WDR7: variants seen among roughly 807,000 people sequenced by gnomAD.
WDR7 encodes the protein WD repeat domain 7.
WDR7 carries 46 observed loss-of-function variants against 169.4 expected under a neutral mutation model. The ratio of observed to expected loss-of-function variants is 0.27; its 90% confidence interval spans 0.21 to 0.35. The LOEUF is 0.35. WDR7 is among the 10% of genes least tolerant of loss of function. The probability of loss-of-function intolerance (pLI) is 1.00; values close to 1 mark genes in which losing one functional copy is unlikely to be tolerated. For missense variants in WDR7, 1,534 were observed against 1,859.3 expected (o/e 0.83, Z 3.22); for synonymous variants, 612 against 666.8 (o/e 0.92, Z 1.27).
chr18:56,965,094 G>A (rs1410587524), intron 26 of WDR7, among the ~76,000 whole-genome samples: 2 of 152,096 alleles, frequency 1.3e-5, no homozygotes, highest in African/African-American at 2.4e-5. Flanking sequence ...GAATCTGTTG[G>A]AATCAGTTAA....
intron 26 of WDR7, among the ~76,000 whole-genome samples, chr18:56,991,168 A>G (rs1807550970): frequency 3.5e-5 from 2 of 57,882 alleles, no homozygotes; most frequent in South Asian, 9.0e-4. Flanking sequence ...TTTTTTTGAG[A>G]CGGAGTCTCG....
chr18:57,021,585 G>A (rs1370216), intron 27 of WDR7, among the ~76,000 whole-genome samples: 99,366 of 152,070 alleles, frequency 0.65, 32,760 homozygotes, highest in East Asian at 0.81. Context: ...CCTATGTTTA[G>A]TTCTGAATAA....
At chr18:56,855,446 A>G (rs1382728767) in intron 20 of WDR7, among the ~76,000 whole-genome samples, 1 of 152,056 alleles carries the variant, frequency 6.6e-6, no homozygotes, top group Non-Finnish European at 1.5e-5. Flanking sequence ...GGTGTTCAGG[A>G]TCTTAAGAAA....
chr18:56,692,303 TA>T (rs2025588903), intron 9 of WDR7, among the ~76,000 whole-genome samples: 1 of 152,110 alleles, frequency 6.6e-6, no homozygotes, highest in Non-Finnish European at 1.5e-5. Flanking sequence ...TCTATAAAAA[TA>T]AAAGTTTATT....
intron 14 of WDR7, among the ~76,000 whole-genome samples, chr18:56,746,311 T>C (rs557888162): frequency 6.6e-6 from 1 of 152,258 alleles, no homozygotes; most frequent in Admixed American, 6.5e-5. Context: ...TCAATCACAA[T>C]CACACTAAGC....
intron 25 of WDR7, chr18:56,957,140 A>G (rs2047262666): frequency 6.6e-6 from 1 of 152,206 alleles, no homozygotes; most frequent in Non-Finnish European, 1.5e-5. Flanking sequence ...GCAGAACTAC[A>G]ATGCAGATGT....
Position 56,965,981 on chromosome 18 carries a change from G to A in WDR7, c.4164+3452G>A, listed in dbSNP as rs184151375. On this transcript the variant is annotated intron_variant, in intron 26 of 27. Coordinates refer to ENST00000254442, the MANE Select transcript of WDR7 (RefSeq NM_015285.3). ...CTGAAGCTTCCTGATTTGTAAAATC[G>A]TAACAGAAATAATATCTATTATTGT... 3.2e-3 allele frequency among the ~76,000 whole-genome samples: 489 copies of A among 152,144 alleles called. 2 individuals carry two copies. The highest frequency in any genetic ancestry group is 5.9e-3 in the Non-Finnish European group (402 of 68,000).
At chr18:56,898,818 C>T (rs1325346480) in intron 21 of WDR7, among the ~76,000 whole-genome samples, 1 of 151,972 alleles carries the variant, frequency 6.6e-6, no homozygotes, top group Non-Finnish European at 1.5e-5. Context: ...GAAGCTTAAA[C>T]CAGGTCTGTA....
At chr18:56,866,409 A>G (rs1049945796) in intron 20 of WDR7, among the ~76,000 whole-genome samples, 1 of 151,960 alleles carries the variant, frequency 6.6e-6, no homozygotes, top group Non-Finnish European at 1.5e-5. Flanking sequence ...TAACAAATAC[A>G]GTATTAGGAG....
chr18:57,010,062 T>C (rs2048116402), intron 26 of WDR7: 5 of 985,472 alleles, frequency 5.1e-6, no homozygotes, highest in South Asian at 4.7e-5. Flanking sequence ...AAGCCTGAAA[T>C]GTCTAGAAAG....
intron 5 of WDR7, among the ~76,000 whole-genome samples, chr18:56,683,463 C>T (rs1448884991): frequency 2.0e-5 from 3 of 152,082 alleles, no homozygotes; most frequent in Non-Finnish European, 2.9e-5. Context: ...TTTTAAGGAG[C>T]ATTCTTTTAC....
At chr18:56,908,212 T>C (rs2145590144) in intron 21 of WDR7, among the ~76,000 whole-genome samples, 1 of 152,312 alleles carries the variant, frequency 6.6e-6, no homozygotes, top group Admixed American at 6.5e-5. Context: ...CTAGTTCAGT[T>C]TAACTAGGCC....
At chr18:57,005,217 TATC>T (rs1036463127) in intron 26 of WDR7, among the ~76,000 whole-genome samples, 1 of 152,212 alleles carries the variant, frequency 6.6e-6, no homozygotes, top group African/African-American at 2.4e-5. Flanking sequence ...ATGATGTCCT[TATC>T]ATTTCTAAAC....
chr18:56,808,614 T>A (rs1348550644), intron 19 of WDR7, among the ~76,000 whole-genome samples: 1 of 152,196 alleles, frequency 6.6e-6, no homozygotes, highest in Non-Finnish European at 1.5e-5. Flanking sequence ...TATTAAAAAT[T>A]AGTATTTTGT....
rs117606303 is a variant in WDR7 at position 56,693,133 on chromosome 18, G to A, written c.966+1316G>A. Among the ~76,000 whole-genome samples the A allele has an allele frequency of 3.2e-3, 492 of 152,286 alleles. 4 individuals are homozygous for A. The highest frequency in any genetic ancestry group is 0.011 in the South Asian group (54 of 4,828). On this transcript the variant is annotated intron_variant, in intron 9 of 27. Coordinates refer to ENST00000254442, the MANE Select transcript of WDR7 (RefSeq NM_015285.3). ...TGCTTAATATGTGTAGTTTCCATTG[G>A]CTAATGCTTTTAGCTGTTAATTACT...
Position 56,932,874 on chromosome 18 carries a change from G to GGTGTGTGT in WDR7, c.3714-2889_3714-2882dup, listed in dbSNP as rs34838445. On this transcript the variant is annotated intron_variant, in intron 22 of 27. Coordinates refer to ENST00000254442, the MANE Select transcript of WDR7 (RefSeq NM_015285.3). Reference sequence around the variant, plus strand: ...CACATGATTGTATCTCTTCATTCTGGGTGTGTGTGTGTGTGTGTGTGTGTG... The same window carrying GGTGTGTGT: ...CACATGATTGTATCTCTTCATTCTGGGTGTGTGTGTGTGTGTGTGTGTGTGTGTGTGTG... Among the ~76,000 whole-genome samples, 522 of 131,974 alleles carry GGTGTGTGT rather than the reference G, an allele frequency of 4.0e-3. 3 individuals are homozygous for GGTGTGTGT. The highest frequency in any genetic ancestry group is 0.019 in the African/African-American group (481 of 25,994). The allele number at this position is 131,974 out of a possible 152,430, so 86.6% of individuals were successfully genotyped here.
intron 21 of WDR7, among the ~76,000 whole-genome samples, chr18:56,902,540 T>G (rs1280033265): frequency 6.6e-6 from 1 of 152,220 alleles, no homozygotes; most frequent in Non-Finnish European, 1.5e-5. Context: ...TTTTTCTGTC[T>G]GAATGCCTGT....
At chr18:56,664,866 G>A (rs900542708) in intron 1 of WDR7, among the ~76,000 whole-genome samples, 3 of 152,156 alleles carry the variant, frequency 2.0e-5, no homozygotes, top group African/African-American at 7.2e-5. Flanking sequence ...TAAATCATGT[G>A]GCTTAGGACA....
chr18:56,916,891 C>T (rs928718284), intron 21 of WDR7, among the ~76,000 whole-genome samples: 1 of 151,626 alleles, frequency 6.6e-6, no homozygotes, highest in African/African-American at 2.4e-5. Context: ...GTGAAACCCC[C>T]TCTCTACTAA....
Sources: gnomAD v4.1 joint callset for allele counts (sites outside exome capture counted in the v4.1 genomes callset) on GRCh38, gnomAD v4.1.1 for gene constraint, MANE v1.5 for transcripts, NCBI Gene and HGNC (gene_info 2026-07-23, HGNC 2026-07-21) for gene names.